Variants in SLAMF7 observed in about 807,000 individuals in gnomAD.
SLAMF7 encodes the protein 19A24 protein.
Under a neutral mutation model 34.1 loss-of-function variants are expected in SLAMF7, and 26 were observed. The observed-to-expected ratio is 0.76, with a 90% confidence interval of 0.56 to 1.06. SLAMF7 has a LOEUF of 1.06. SLAMF7 is among the 50% of genes least tolerant of loss of function. SLAMF7 has a pLI of 0.00. For missense variants in SLAMF7, 399 were observed against 402.5 expected (o/e 0.99, Z 0.07); for synonymous variants, 171 against 156.4 (o/e 1.09, Z -0.70).
rs748027856 is a variant in SLAMF7, at chr1:160,750,430, C to A, written c.769+7C>A. 1.2e-6 allele frequency: 2 copies of A among 1,612,324 alleles called. No homozygotes were observed. The highest frequency in any genetic ancestry group is 1.7e-6 in the Non-Finnish European group (2 of 1,179,220). On this transcript the variant is annotated splice_region_variant and intron_variant, in intron 4 of 6. Transcript: ENST00000368043. ...AAGAGAGAGAGACAAGAAGGTAGAG[C>A]GTGTACTATTTTTGTCCTCACCCAC... is the stretch of plus-strand genomic sequence containing the variant.
intron 1 of SLAMF7, among the ~76,000 whole-genome samples, chr1:160,742,062 A>G (rs973685268): frequency 1.3e-5 from 2 of 151,928 alleles, no homozygotes; most frequent in East Asian, 1.9e-4. Flanking sequence ...CCCTCCCCCA[A>G]AGTCTTCCTG....
At chr1:160,745,079 A>C (rs1229078872) in intron 1 of SLAMF7, among the ~76,000 whole-genome samples, 1 of 152,218 alleles carries the variant, frequency 6.6e-6, no homozygotes, top group African/African-American at 2.4e-5. Context: ...AGAGGGAAAA[A>C]TGTTTGAAAA....
In SLAMF7 at chr1:160,753,241, A is replaced by C; in HGVS notation, c.*64A>C. The C allele has an allele frequency of 7.3e-7, 1 of 1,375,604 alleles. No homozygotes were observed. The highest frequency in any genetic ancestry group is 1.0e-6 in the Non-Finnish European group (1 of 979,028). 85.2% of individuals were successfully genotyped at this position (1,375,604 alleles called of 1,614,324 possible). On this transcript the variant is annotated 3_prime_UTR_variant, in exon 7 of 7. Transcript: ENST00000368043. ...AACAATTCTCGGCCCAAAGAAAACA[A>C]TCAGAAGAATTCACTGATTTGACTA...
chr1:160,745,303 G>A (rs1168152391), intron 1 of SLAMF7, among the ~76,000 whole-genome samples: 1 of 152,164 alleles, frequency 6.6e-6, no homozygotes, highest in Non-Finnish European at 1.5e-5. Flanking sequence ...ATGGTCCAAT[G>A]GCACCCAAGG....
rs762130449 is a variant in SLAMF7 at position 160,751,440 on chromosome 1, C to T, written c.865C>T (p.His289Tyr). Residue 289 changes from histidine to tyrosine, a missense_variant, in exon 5 of 7, where the codon CAC becomes TAC. His to Tyr is a moderately conservative substitution (Grantham distance 83). Coordinates refer to ENST00000368043, the MANE Select transcript of SLAMF7 (RefSeq NM_021181.5). Reference sequence around the variant, plus strand: ...GAACACAGAGTACGACACAATCCCTCACACTAATGTGAGTCCCTTCTCATC... The same window carrying T: ...GAACACAGAGTACGACACAATCCCTTACACTAATGTGAGTCCCTTCTCATC... ...GENTEYDTIP[H>Y]TNRTILKEDP... 1.1e-5 allele frequency: 18 copies of T among 1,612,218 alleles called. No homozygotes were observed. Among genetic ancestry groups the T allele is most frequent in the Non-Finnish European group, 1.4e-5 (17 of 1,178,398 alleles).
At chr1:160,745,323 T>C (rs562803154) in intron 1 of SLAMF7, among the ~76,000 whole-genome samples, 2 of 152,130 alleles carry the variant, frequency 1.3e-5, no homozygotes, top group East Asian at 3.9e-4. Flanking sequence ...GGCTTTGAAA[T>C]TGACACTAGA....
intron 1 of SLAMF7, among the ~76,000 whole-genome samples, chr1:160,739,904 T>G (rs992026660): frequency 6.6e-6 from 1 of 152,226 alleles, no homozygotes; most frequent in African/African-American, 2.4e-5. Context: ...CACTTTATGT[T>G]TAATCCCATG....
intron 2 of SLAMF7, 94 bp downstream of exon 2, chr1:160,748,608 CT>C: frequency 8.4e-7 from 1 of 1,193,168 alleles, no homozygotes; most frequent in Non-Finnish European, 1.2e-6. Flanking sequence ...TGAATAAACA[CT>C]TGGCAAGAAT....
At chr1:160,750,206 C>T (rs1416998683) in intron 3 of SLAMF7, 98 bp from the exon 4 acceptor site, 3 of 1,577,812 alleles carry the variant, frequency 1.9e-6, no homozygotes, top group Non-Finnish European at 2.6e-6. Flanking sequence ...GCTGGGTGGT[C>T]ACCAGGCTGG....
rs773656284 is a variant in SLAMF7 at position 160,751,448 on chromosome 1, T to C, written c.873T>C (p.Asn291=). 2.5e-6 allele frequency: 4 copies of C among 1,608,076 alleles called. No homozygotes were observed. Among genetic ancestry groups the C allele is most frequent in the South Asian group, 1.1e-5 (1 of 90,986 alleles). ...AGTACGACACAATCCCTCACACTAATGTGAGTCCCTTCTCATCTTTCCTGA... is the reference window on the plus strand; with the variant it reads ...AGTACGACACAATCCCTCACACTAACGTGAGTCCCTTCTCATCTTTCCTGA... ...NTEYDTIPHT[N]RTILKEDPAN... Residue 291 remains asparagine (N), a splice_region_variant and synonymous_variant, in exon 5 of 7, where the codon AAT becomes AAC. Coordinates refer to ENST00000368043, the MANE Select transcript of SLAMF7 (RefSeq NM_021181.5).
chr1:160,752,125 T>C (rs139868840), intron 5 of SLAMF7, 61 bp from the exon 6 acceptor site: 1 of 1,361,578 alleles, frequency 7.3e-7, no homozygotes, highest in Non-Finnish European at 1.0e-6. Context: ...CTCTCTGGCC[T>C]TGTCTATGTG....
rs523130 is a variant in SLAMF7, at chr1:160,754,167, T to C, written c.*990T>C. 0.28 allele frequency: 43,048 copies of C among 152,170 alleles called. 7,624 individuals are homozygous for C. The highest frequency in any genetic ancestry group is 0.43 in the East Asian group (2,249 of 5,184). The allele number at this position is 152,170 out of a possible 1,614,324, so 9.4% of individuals were successfully genotyped here. A position where few individuals can be genotyped will look rare whatever the true frequency, so the allele number is the denominator to read the frequency against. ...TCAATAGATATTTATTAAGAACCTA[T>C]GCGGCCCGGCATGGTGGCTCACACC... On this transcript the variant is annotated 3_prime_UTR_variant, in exon 7 of 7. Transcript: ENST00000368043.
Position 160,750,322 on chromosome 1 carries a change from A to G in SLAMF7, c.668A>G (p.Asp223Gly). The G allele has an allele frequency of 1.2e-6, 2 of 1,614,000 alleles. No homozygotes were observed. The highest frequency in any genetic ancestry group is 1.7e-6 in the Non-Finnish European group (2 of 1,179,914). ...KLCEGAADDP[D>G]SSMVLLCLLL... ...TCTGAAGGTGCTGCTGATGACCCAGATTCCTCCATGGTCCTCCTGTGTCTC... is the reference window on the plus strand; with the variant it reads ...TCTGAAGGTGCTGCTGATGACCCAGGTTCCTCCATGGTCCTCCTGTGTCTC... Residue 223 changes from aspartate to glycine, a missense_variant, in exon 4 of 7, where the codon GAT becomes GGT. By Grantham distance (94) the Asp-to-Gly change is moderately conservative (BLOSUM62 -1). Transcript: ENST00000368043.
At chr1:160,745,065 T>A (rs1664023721) in intron 1 of SLAMF7, among the ~76,000 whole-genome samples, 2 of 152,160 alleles carry the variant, frequency 1.3e-5, no homozygotes, top group Admixed American at 6.5e-5. Flanking sequence ...AACTGATACA[T>A]TTTAGAGGGA....
rs972356324 is a variant in SLAMF7 at position 160,753,978 on chromosome 1, G to C, written c.*801G>C. ...TCATTTATGCACTTGTGCTGCAAAA[G>C]AAAAGTCTAGGTTTTAAGGCTGTGC... is the stretch of plus-strand genomic sequence containing the variant. On this transcript the variant is annotated 3_prime_UTR_variant, in exon 7 of 7. Transcript: ENST00000368043. 2 of 152,472 alleles carry C rather than the reference G, an allele frequency of 1.3e-5. No individual in the cohort carries two copies. Among genetic ancestry groups the C allele is most frequent in the African/African-American group, 4.8e-5 (2 of 41,454 alleles). 9.4% of individuals were successfully genotyped at this position (152,472 alleles called of 1,614,324 possible).
rs71090324 is a variant in SLAMF7 at position 160,751,816 on chromosome 1, ATCTCTCTCTCTCTC to A, written c.874-336_874-323del. On this transcript the variant is annotated intron_variant, in intron 5 of 6. Transcript: ENST00000368043. ...ATGGTATCAGAAGACTTCTCTAGAG[ATCTCTCTCTCTCTC>A]TCTCTCTCTCTCTCTCTCTCTCTCT... is the stretch of plus-strand genomic sequence containing the variant. The A allele has an allele frequency of 2.4e-3, 205 of 84,560 alleles. 3 individuals carry two copies. Among genetic ancestry groups the A allele is most frequent in the East Asian group, 7.0e-3 (17 of 2,444 alleles). The allele number at this position is 84,560 out of a possible 1,614,324, so 5.2% of individuals were successfully genotyped here.
intron 1 of SLAMF7, among the ~76,000 whole-genome samples, chr1:160,740,276 C>T (rs1249454842): frequency 9.1e-6 from 1 of 109,458 alleles, no homozygotes; most frequent in Non-Finnish European, 1.8e-5. Flanking sequence ...GGAATAGGCC[C>T]TCACTTTAAA....
upstream of SLAMF7, chr1:160,739,179 C>T: frequency 2.3e-6 from 2 of 856,234 alleles, no homozygotes. Flanking sequence ...TTAGCAATTA[C>T]TCAATCTCAC....
intron 1 of SLAMF7, among the ~76,000 whole-genome samples, chr1:160,740,995 A>C (rs945039985): frequency 1.3e-5 from 2 of 152,172 alleles, no homozygotes; most frequent in Admixed American, 1.3e-4. Context: ...TGCTCACTAC[A>C]TGTGCATTTG....
Sources: allele counts gnomAD v4.1 joint callset (sites outside exome capture counted in the v4.1 genomes callset), GRCh38; gene constraint gnomAD v4.1.1; transcripts MANE v1.5; gene names NCBI Gene and HGNC (gene_info 2026-07-23, HGNC 2026-07-21).